BRI3BP: variants seen among roughly 807,000 people sequenced by gnomAD.
The protein encoded by BRI3BP is BRI3 binding protein, also known as BRI3-binding protein.
BRI3BP carries 7 observed loss-of-function variants against 15.8 expected under a neutral mutation model. That is an observed-to-expected ratio of 0.44 (90% CI 0.25 to 0.83). The LOEUF is 0.83. Among genes scored for constraint, BRI3BP ranks in the 40% least tolerant of loss-of-function variants. BRI3BP has a pLI of 0.20. For missense variants in BRI3BP, 320 were observed against 339.3 expected, an observed-to-expected ratio of 0.94 and a Z score of 0.45; for synonymous variants, 192 against 163.5, an observed-to-expected ratio of 1.17 and a Z score of -1.33.
At chr12:125,042,884 G>A in the BRI3BP span, among the ~76,000 whole-genome samples, 1 of 152,096 alleles carries the variant, frequency 6.6e-6, no homozygotes, top group African/African-American at 2.4e-5. Flanking sequence ...CTGGCCTCAA[G>A]TGATGCTCCT....
downstream of BRI3BP, among the ~76,000 whole-genome samples, chr12:125,032,521 G>GC (rs1350466651): frequency 2.0e-5 from 3 of 152,216 alleles, no homozygotes; most frequent in African/African-American, 4.8e-5. Flanking sequence ...TGTCATCCCA[G>GC]CACTGGGAGG....
the BRI3BP span, among the ~76,000 whole-genome samples, chr12:125,050,349 C>CAAA: frequency 1.2e-5 from 1 of 86,756 alleles, no homozygotes; most frequent in Non-Finnish European, 2.4e-5. Context: ...GACTCCGTCT[C>CAAA]AAAAAAAAAA....
chr12:125,041,353 G>A, the BRI3BP span, among the ~76,000 whole-genome samples: 2 of 152,072 alleles, frequency 1.3e-5, no homozygotes, highest in Non-Finnish European at 2.9e-5. Flanking sequence ...ACCACGCCCA[G>A]CATTATTTTA....
intron 2 of BRI3BP, among the ~76,000 whole-genome samples, chr12:125,016,037 A>G (rs1955240105): frequency 1.3e-5 from 2 of 152,184 alleles, no homozygotes; most frequent in East Asian, 1.9e-4. Context: ...GAAAAACTAC[A>G]GAGTAGGAAC....
the BRI3BP span, among the ~76,000 whole-genome samples, chr12:125,037,729 T>C: frequency 6.6e-6 from 1 of 151,612 alleles, no homozygotes; most frequent in Non-Finnish European, 1.5e-5. Flanking sequence ...GAAGAATCGC[T>C]TGAACCCAGG....
chr12:125,033,631 G>T (rs960797606), downstream of BRI3BP, among the ~76,000 whole-genome samples: 4 of 151,886 alleles, frequency 2.6e-5, no homozygotes, highest in African/African-American at 9.7e-5. Flanking sequence ...TGGGCCCGGC[G>T]TCAACCTTGA....
chr12:125,007,277 C>T lies in BRI3BP; in HGVS notation c.214-5257C>T, dbSNP rs996537176. Among the ~76,000 whole-genome samples the T allele has an allele frequency of 5.3e-5, 8 of 151,910 alleles. No individual in the cohort carries two copies. In the South Asian group the frequency reaches 6.2e-4, roughly 12 times the overall value. On this transcript the variant is annotated intron_variant, in intron 1 of 2. Transcript: ENST00000341446. ...ACTTTAAATAATTGTAGGTTGAGCA[C>T]GGTGGATCACACCTGTAATCCCAGT...
intron 1 of BRI3BP, among the ~76,000 whole-genome samples, chr12:124,998,350 A>G (rs1277617203): frequency 1.3e-5 from 2 of 152,318 alleles, no homozygotes; most frequent in African/African-American, 4.8e-5. Flanking sequence ...CAATAGCTAA[A>G]AAGTGGAAAT....
At chr12:125,043,040 C>A in the BRI3BP span, among the ~76,000 whole-genome samples, 1 of 151,420 alleles carries the variant, frequency 6.6e-6, no homozygotes, top group Admixed American at 6.6e-5. Context: ...GCATTTATAT[C>A]ATTGGTCTGG....
chr12:125,024,870 TC>T (rs1955335358), intron 2 of BRI3BP, 120 bp from the exon 3 acceptor site: 2 of 817,140 alleles, frequency 2.4e-6, no homozygotes, highest in Non-Finnish European at 3.8e-6. Flanking sequence ...TTCCTTGAGT[TC>T]CTTTGGTTGT....
intron 2 of BRI3BP, among the ~76,000 whole-genome samples, chr12:125,017,325 G>T (rs959891490): frequency 3.6e-5 from 5 of 138,722 alleles, no homozygotes; most frequent in African/African-American, 7.9e-5. Flanking sequence ...CCCCCCTAAT[G>T]TTTTTTTTTT....
chr12:125,017,422 T>C (rs1226051770), intron 2 of BRI3BP, among the ~76,000 whole-genome samples: 1 of 152,214 alleles, frequency 6.6e-6, no homozygotes, highest in East Asian at 1.9e-4. Flanking sequence ...CCCAGAGTGC[T>C]GGGATTACAG....
chr12:125,021,294 G>A (rs1433970889), intron 2 of BRI3BP, among the ~76,000 whole-genome samples: 2 of 152,212 alleles, frequency 1.3e-5, no homozygotes, highest in East Asian at 3.8e-4. Context: ...GGGGAACTAT[G>A]AGATGTTCAC....
intron 1 of BRI3BP, among the ~76,000 whole-genome samples, chr12:124,998,839 G>A (rs890765436): frequency 2.6e-5 from 4 of 152,156 alleles, no homozygotes; most frequent in African/African-American, 9.7e-5. Context: ...CACTTTGGGA[G>A]GCCTAGGTGG....
the BRI3BP span, among the ~76,000 whole-genome samples, chr12:125,047,959 A>C: frequency 1.3e-5 from 2 of 151,710 alleles, no homozygotes; most frequent in East Asian, 3.9e-4. Flanking sequence ...GGCCTCCCAA[A>C]GTGCTGGGAT....
chr12:125,032,162 C>G (rs1447010688), downstream of BRI3BP, among the ~76,000 whole-genome samples: 1 of 152,086 alleles, frequency 6.6e-6, no homozygotes, highest in Non-Finnish European at 1.5e-5. Flanking sequence ...TCAATACCTG[C>G]TATTAAAATA....
chr12:125,039,020 G>C, the BRI3BP span, among the ~76,000 whole-genome samples: 3 of 152,140 alleles, frequency 2.0e-5, no homozygotes, highest in African/African-American at 7.2e-5. Flanking sequence ...AACCTGGGAG[G>C]GGGAGGTTGC....
intron 1 of BRI3BP, among the ~76,000 whole-genome samples, chr12:125,000,474 C>T (rs1456911309): frequency 6.6e-6 from 1 of 151,962 alleles, no homozygotes; most frequent in African/African-American, 2.4e-5. Flanking sequence ...CCACCACGCC[C>T]GGCTAATTTT....
the BRI3BP span, among the ~76,000 whole-genome samples, chr12:125,045,126 TG>T: frequency 6.6e-6 from 1 of 152,090 alleles, no homozygotes. Context: ...ACATAAGGTT[TG>T]GGAAAATGCA....
Sources: allele counts gnomAD v4.1 joint callset (sites outside exome capture counted in the v4.1 genomes callset), GRCh38; gene constraint gnomAD v4.1.1; transcripts MANE v1.5; gene names NCBI Gene and HGNC (gene_info 2026-07-23, HGNC 2026-07-21).